MYB: variants seen among roughly 807,000 people sequenced by gnomAD.
The protein encoded by MYB is MYB proto-oncogene, transcription factor.
MYB carries 28 observed loss-of-function variants against 92.9 expected under a neutral mutation model. That is an observed-to-expected ratio of 0.30 (90% CI 0.22 to 0.41). The LOEUF (loss-of-function observed/expected upper bound fraction) is 0.41. Among genes scored for constraint, MYB ranks in the 10% least tolerant of loss-of-function variants. MYB has a pLI of 1.00. For missense variants in MYB, 679 were observed against 929.3 expected, an observed-to-expected ratio of 0.73 and a Z score of 3.50; for synonymous variants, 295 against 329.1, an observed-to-expected ratio of 0.90 and a Z score of 1.12.
In MYB at chr6:135,192,532, T is replaced by C; in HGVS notation, c.736T>C (p.Tyr246His). ...GCCCACTGTTAACAACGACTATTCC[T>C]ATTACCACATTTCTGAAGCACAAAA... is the stretch of plus-strand genomic sequence containing the variant. ...GQPTVNNDYS[Y>H]YHISEAQNVS... is the part of the protein sequence containing the mutation. Residue 246 changes from tyrosine (Y) to histidine (H), a missense_variant, in exon 6 of 16, where the codon TAT (tyrosine) becomes CAT (histidine). This residue lies in a region of MYB where 32 missense variants were observed against 29.9 expected (regional missense o/e 1.07). Coordinates refer to ENST00000341911, the MANE Select transcript of MYB (RefSeq NM_001130173.2). 6.2e-7 allele frequency: 1 copy of C among 1,614,242 alleles called. No homozygotes were observed. The highest frequency in any genetic ancestry group is 2.2e-5 in the East Asian group (1 of 44,892).
At chr6:135,197,501 C>T (rs1012293246) in intron 10 of MYB, among the ~76,000 whole-genome samples, 178 bp downstream of exon 10, 1 of 151,696 alleles carries the variant, frequency 6.6e-6, no homozygotes. Flanking sequence ...AGGCTGTCTG[C>T]AGGCTAACTG....
In MYB at chr6:135,181,436, G is replaced by C; in HGVS notation, c.-78G>C. On this transcript the variant is annotated 5_prime_UTR_variant, in exon 1 of 16. Transcript: ENST00000341911. The surrounding 1 kb of genome is among the most constrained non-coding windows in gnomAD (Gnocchi z 5.3). The stretch of plus-strand genomic sequence containing the variant: ...CGCTGCGCAGCCGGGGAGGGACGCA[G>C]GCAGGCGGCGGGCAGCGGGAGGCGG... The C allele has an allele frequency of 9.8e-7, 1 of 1,021,084 alleles. No individual in the cohort carries two copies. The highest frequency in any genetic ancestry group is 3.7e-5 in the South Asian group (1 of 26,986). 63.3% of individuals were successfully genotyped at this position (1,021,084 alleles called of 1,614,324 possible). A position where few individuals can be genotyped will look rare whatever the true frequency, so the allele number is the denominator to read the frequency against.
intron 13 of MYB, among the ~76,000 whole-genome samples, chr6:135,200,834 T>A (rs1777971533): frequency 6.6e-6 from 1 of 151,974 alleles, no homozygotes; most frequent in African/African-American, 2.4e-5. Flanking sequence ...ATCCCAGCAC[T>A]TTGGGAGGCT....
intron 14 of MYB, among the ~76,000 whole-genome samples, chr6:135,202,029 T>G (rs1778172304): frequency 6.6e-6 from 1 of 152,242 alleles, no homozygotes; most frequent in Admixed American, 6.5e-5. Context: ...ATATAAAAAC[T>G]ATGTTCATTT....
Position 135,181,870 on chromosome 6 carries a change from T to TG in MYB, c.23+335dup, listed in dbSNP as rs1181091213. Reference sequence around the variant, plus strand: ...CACCAGCCCCGGGGAGCCCACCAGGTGCCTGGCTTGATGCCGCGGGTGTCG... The same window carrying TG: ...CACCAGCCCCGGGGAGCCCACCAGGTGGCCTGGCTTGATGCCGCGGGTGTCG... On this transcript the variant is annotated intron_variant, in intron 1 of 15. Coordinates refer to ENST00000341911, the MANE Select transcript of MYB (RefSeq NM_001130173.2). This position sits in a 1 kb window ranked among gnomAD's most constrained non-coding sequence, Gnocchi z 5.3. Among the ~76,000 whole-genome samples the TG allele has an allele frequency of 1.1e-4, 16 of 152,324 alleles. No homozygotes were observed.
chr6:135,209,705 A>C (rs1240533524), intron 15 of MYB, among the ~76,000 whole-genome samples: 1 of 152,182 alleles, frequency 6.6e-6, no homozygotes, highest in Non-Finnish European at 1.5e-5. Context: ...ATAATCTTAT[A>C]ATTGTTATGT....
rs112643474 is a variant in MYB, at chr6:135,196,025, G to A, written c.1203+23G>A. On this transcript the variant is annotated intron_variant, in intron 9 of 15. Transcript: ENST00000341911. ...TCTGTAAGTAGAATTGTGAAGGGAA[G>A]TTAACGATTCTGGAAGATAAATTAG... is the stretch of plus-strand genomic sequence containing the variant. The A allele has an allele frequency of 1.9e-5, 31 of 1,603,584 alleles. No individual in the cohort carries two copies. In the African/African-American group the frequency reaches 4.0e-4, roughly 21 times the overall value.
chr6:135,203,746 T>C (rs1778466317), intron 15 of MYB: 2 of 1,354,968 alleles, frequency 1.5e-6, no homozygotes. Flanking sequence ...GTTCCAATTT[T>C]AAATGAAGTC....
intron 15 of MYB, among the ~76,000 whole-genome samples, chr6:135,207,233 T>C (rs746412122): frequency 3.3e-5 from 5 of 152,228 alleles, no homozygotes; most frequent in Non-Finnish European, 5.9e-5. Flanking sequence ...TAAGTGGGAT[T>C]TTAGCCAAAC....
intron 11 of MYB, chr6:135,199,671 G>A (rs1169027790): frequency 2.1e-6 from 1 of 468,876 alleles, no homozygotes; most frequent in African/African-American, 2.1e-5. Context: ...GAAAAGAAAT[G>A]CACTGTTATT....
intron 15 of MYB, among the ~76,000 whole-genome samples, chr6:135,208,612 C>A (rs1430570356): frequency 6.7e-6 from 1 of 149,992 alleles, no homozygotes. Context: ...AACTCCTGGG[C>A]TCAAGCAATC....
Position 135,200,204 on chromosome 6 carries a change from G to T in MYB, c.1824+5G>T. ...TACGGTCCCCTGAAGATGCTAGTAA[G>T]TTCTAGAAAAGTTTTTGGATTTCAT... On this transcript the variant is annotated splice_donor_5th_base_variant and intron_variant, in intron 12 of 15. Transcript: ENST00000341911. The T allele has an allele frequency of 6.2e-7, 1 of 1,614,044 alleles. No homozygotes were observed. The highest frequency in any genetic ancestry group is 8.5e-7 in the Non-Finnish European group (1 of 1,179,958).
Position 135,196,977 on chromosome 6 carries a change from G to A in MYB, c.1220G>A (p.Cys407Tyr), listed in dbSNP as rs574640398. 1 of 1,613,446 alleles carries A rather than the reference G, an allele frequency of 6.2e-7. No individual in the cohort carries two copies. The highest frequency in any genetic ancestry group is 1.1e-5 in the South Asian group (1 of 91,030). ...TTGTTTCAGGATTCTTCATCATGGT[G>A]TGATCTCAGCAGTTTTGAATTCTTT... ...QFIDSDSSSW[C>Y]DLSSFEFFEE... The change falls in exon 10 of 16, where the codon TGT becomes TAT. Residue 407 changes from cysteine to tyrosine, a missense_variant. Around this residue, in one of 8 missense-constraint regions of MYB, gnomAD observed 402 missense variants for 434.2 expected, o/e 0.93. Transcript: ENST00000341911.
Position 135,189,831 on chromosome 6 carries a change from T to C in MYB, c.254T>C (p.Val85Ala). The change falls in exon 4 of 16, where the codon GTA becomes GCA. Residue 85 changes from valine (V) to alanine (A), a missense_variant. Transcript: ENST00000341911. Reference sequence around the variant, plus strand: ...CAGTGCCAGCACCGATGGCAGAAAGTACTAAACCCTGAGCTCATCAAGGGT... The same window carrying C: ...CAGTGCCAGCACCGATGGCAGAAAGCACTAAACCCTGAGCTCATCAAGGGT... ...DVQCQHRWQKVLNPELIKGPW... is the reference protein window; with the variant it reads ...DVQCQHRWQKALNPELIKGPW... The C allele has an allele frequency of 6.2e-7, 1 of 1,614,176 alleles. No homozygotes were observed. Among genetic ancestry groups the C allele is most frequent in the Non-Finnish European group, 8.5e-7 (1 of 1,179,996 alleles).
chr6:135,183,994 A>G (rs916459753), intron 1 of MYB, among the ~76,000 whole-genome samples: 1 of 152,160 alleles, frequency 6.6e-6, no homozygotes, highest in Non-Finnish European at 1.5e-5. Context: ...CCAGAACCCT[A>G]GTCCTGTTGA....
intron 8 of MYB, chr6:135,195,391 G>T: frequency 3.7e-6 from 1 of 270,954 alleles, no homozygotes; most frequent in Non-Finnish European, 7.2e-6. Context: ...AAATAGGACA[G>T]TTCTTCAGTT....
intron 2 of MYB, among the ~76,000 whole-genome samples, chr6:135,187,444 A>G (rs1259584289): frequency 6.6e-6 from 1 of 152,214 alleles, no homozygotes; most frequent in Non-Finnish European, 1.5e-5. Flanking sequence ...TAAACACTCA[A>G]TATATGCCAG....
chr6:135,181,460 G>T lies in MYB; in HGVS notation c.-54G>T. ...AGGCAGGCGGCGGGCAGCGGGAGGC[G>T]GCAGCCCGGTGCGGTCCCCGCGGCT... is the stretch of plus-strand genomic sequence containing the variant. On this transcript the variant is annotated 5_prime_UTR_variant, in exon 1 of 16. Transcript: ENST00000341911. The surrounding 1 kb of genome is among the most constrained non-coding windows in gnomAD (Gnocchi z 5.3). 1.8e-6 allele frequency: 2 copies of T among 1,107,526 alleles called. No individual in the cohort carries two copies. The highest frequency in any genetic ancestry group is 2.2e-6 in the Non-Finnish European group (2 of 905,482). The allele number at this position is 1,107,526 out of a possible 1,614,324, so 68.6% of individuals were successfully genotyped here.
intron 15 of MYB, among the ~76,000 whole-genome samples, chr6:135,208,198 C>T (rs1779236746): frequency 6.7e-6 from 1 of 148,172 alleles, no homozygotes; most frequent in South Asian, 2.1e-4. Context: ...TCTGCCTTAG[C>T]CTCTCGAGTA....
Sources: allele counts gnomAD v4.1 joint callset (sites outside exome capture counted in the v4.1 genomes callset), GRCh38; gene constraint gnomAD v4.1.1; regional missense constraint gnomAD v4.1.1; non-coding constraint Gnocchi (gnomAD v3.1); transcripts MANE v1.5; gene names NCBI Gene and HGNC (gene_info 2026-07-23, HGNC 2026-07-21).